The following R3HDM1 variants were observed in gnomAD, a reference collection of about 807,000 sequenced individuals.
R3HDM1 encodes the protein R3H domain containing 1.
Under a neutral mutation model 141.1 loss-of-function variants are expected in R3HDM1, and 46 were observed. That is an observed-to-expected ratio of 0.33 (90% CI 0.26 to 0.42). The LOEUF (loss-of-function observed/expected upper bound fraction) is 0.42. R3HDM1 is among the 10% of genes least tolerant of loss of function. The pLI is 1.00. For missense variants in R3HDM1, 1,184 were observed against 1,368.3 expected (o/e 0.87, Z 2.12); for synonymous variants, 435 against 472.9 (o/e 0.92, Z 1.04).
intron 1 of R3HDM1, chr2:135,568,771 C>G (rs1703389276): frequency 6.6e-6 from 1 of 152,138 alleles, no homozygotes; most frequent in South Asian, 2.1e-4. Context: ...GTATTGGTGA[C>G]CTCTCGGAAG....
At chr2:135,622,968 C>G (rs2061648678) in intron 7 of R3HDM1, 1 of 980,666 alleles carries the variant, frequency 1.0e-6, no homozygotes, top group African/African-American at 1.8e-5. Context: ...TATAGAATCA[C>G]TAAGATATTT....
chr2:135,667,502 C>T (rs1410994696), intron 19 of R3HDM1: 10 of 484,250 alleles, frequency 2.1e-5, no homozygotes, highest in East Asian at 1.5e-4. Flanking sequence ...ACAATATTGA[C>T]GTAAATTCCT....
At chr2:135,603,652 A>G (rs1354900509) in intron 2 of R3HDM1, among the ~76,000 whole-genome samples, 3 of 152,138 alleles carry the variant, frequency 2.0e-5, no homozygotes, top group African/African-American at 7.2e-5. Context: ...CTGTCACCCA[A>G]GGTGGAGTCT....
At position 135,675,486 on chromosome 2, in the gene R3HDM1, G is replaced by T. The variant is rs1475124192; in HGVS notation, c.2307G>T (p.Gln769His). 1 of 1,609,614 alleles carries T rather than the reference G, an allele frequency of 6.2e-7. No homozygotes were observed. The highest frequency in any genetic ancestry group is 1.3e-5 in the African/African-American group (1 of 74,740). Residue 769 changes from glutamine to histidine, a missense_variant and splice_region_variant, in exon 20 of 27, where the codon CAG becomes CAT. By Grantham distance (24) the Gln-to-His change is conservative. Around this residue, in one of 5 missense-constraint regions of R3HDM1, gnomAD observed 563 missense variants for 562.0 expected, o/e 1.00. Coordinates refer to ENST00000683871, the MANE Select transcript of R3HDM1 (RefSeq NM_001378107.1). Reference sequence around the variant, plus strand: ...CCTATACTTCAGTGCCAACATATCAGGTATATTGTCTCTTTTATGTACTTT... The same window carrying T: ...CCTATACTTCAGTGCCAACATATCATGTATATTGTCTCTTTTATGTACTTT... ...VIPYTSVPTY[Q>H]VSLPQGSQGI...
intron 1 of R3HDM1, among the ~76,000 whole-genome samples, chr2:135,562,202 G>T (rs1241360614): frequency 6.6e-6 from 1 of 152,170 alleles, no homozygotes; most frequent in Non-Finnish European, 1.5e-5. Flanking sequence ...ACTAATAGCT[G>T]TTCGTAGGAA....
intron 20 of R3HDM1, among the ~76,000 whole-genome samples, chr2:135,676,767 C>T (rs531724888): frequency 5.9e-5 from 9 of 152,236 alleles, no homozygotes; most frequent in South Asian, 4.1e-4. Flanking sequence ...GCTGAGATTA[C>T]GCCACTGCAT....
chr2:135,567,434 G>A (rs1046916304), intron 1 of R3HDM1, among the ~76,000 whole-genome samples: 28 of 152,170 alleles, frequency 1.8e-4, no homozygotes, highest in African/African-American at 6.0e-4. Flanking sequence ...CACTCCCAAA[G>A]TGTGACCTTT....
At position 135,669,629 on chromosome 2, in the gene R3HDM1, A is replaced by G. The variant is rs576032759; in HGVS notation, c.2153-5703A>G. 2.5e-4 allele frequency: 241 copies of G among 947,736 alleles called. 4 individuals carry two copies. In the African/African-American group the frequency reaches 3.8e-3, roughly 15 times the overall value. 58.7% of individuals were successfully genotyped at this position (947,736 alleles called of 1,614,324 possible). On this transcript the variant is annotated intron_variant, in intron 19 of 26. Coordinates refer to ENST00000683871, the MANE Select transcript of R3HDM1 (RefSeq NM_001378107.1). ...CCTCAAAAAAGTAAATTTTAGAATC[A>G]GACAGCTGTGTGCAGCTCTCAGCTA...
chr2:135,605,156 C>A, intron 3 of R3HDM1, 140 bp downstream of exon 3: 6 of 673,488 alleles, frequency 8.9e-6, no homozygotes, highest in Non-Finnish European at 1.2e-5. Flanking sequence ...GGTTTTGGAG[C>A]CAGTTGGATT....
intron 23 of R3HDM1, among the ~76,000 whole-genome samples, chr2:135,714,589 A>G (rs918997866): frequency 2.6e-5 from 4 of 152,218 alleles, no homozygotes; most frequent in South Asian, 2.1e-4. Context: ...TGTAGATTAG[A>G]TAATACTATT....
chr2:135,709,219 A>G (rs1401892387), intron 21 of R3HDM1, among the ~76,000 whole-genome samples: 1 of 151,996 alleles, frequency 6.6e-6, no homozygotes, highest in East Asian at 1.9e-4. Context: ...GACTACAGGC[A>G]CCTGCCACCA....
intron 15 of R3HDM1, among the ~76,000 whole-genome samples, chr2:135,642,050 T>G (rs1434508854): frequency 6.6e-6 from 1 of 152,158 alleles, no homozygotes; most frequent in African/African-American, 2.4e-5. Flanking sequence ...AAAGTTTATT[T>G]CCTAGAAATG....
intron 1 of R3HDM1, among the ~76,000 whole-genome samples, chr2:135,571,276 T>C (rs919021874): frequency 3.9e-5 from 6 of 152,184 alleles, no homozygotes; most frequent in Non-Finnish European, 8.8e-5. Context: ...ATAAAAGATT[T>C]ACAGGATGTT....
At chr2:135,560,130 A>G (rs1287916445) in intron 1 of R3HDM1, among the ~76,000 whole-genome samples, 3 of 152,176 alleles carry the variant, frequency 2.0e-5, no homozygotes, top group African/African-American at 7.2e-5. Context: ...TGCAGGACCT[A>G]TTGATTTTTC....
rs60115740 is a variant in R3HDM1, at chr2:135,650,097, AT to A, written c.1725+102del. On this transcript the variant is annotated intron_variant, in intron 17 of 26. Transcript: ENST00000683871. ...CATTAATGTAATATGATCTTTTGTG[AT>A]TTTTTTTGGGTCAGGTTTACATATG... 7,218 of 1,022,528 alleles carry A rather than the reference AT, an allele frequency of 7.1e-3. 281 individuals are homozygous for A. The African/African-American group carries it at 0.09, about 13-fold the overall frequency. 63.3% of individuals were successfully genotyped at this position (1,022,528 alleles called of 1,614,324 possible).
At chr2:135,560,397 A>G (rs1210325129) in intron 1 of R3HDM1, among the ~76,000 whole-genome samples, 1 of 152,030 alleles carries the variant, frequency 6.6e-6, no homozygotes, top group African/African-American at 2.4e-5. Context: ...CTCACTGCAA[A>G]CGGCCTCCCA....
intron 1 of R3HDM1, among the ~76,000 whole-genome samples, chr2:135,593,502 G>A (rs1709833488): frequency 6.6e-6 from 1 of 152,056 alleles, no homozygotes; most frequent in South Asian, 2.1e-4. Context: ...AATCTCACCA[G>A]GTTATCCCCA....
Position 135,660,524 on chromosome 2 carries a change from A to G in R3HDM1, c.2029-746A>G, listed in dbSNP as rs545717953. ...GTACTCAGAAAGTTAAAGATTTTGGAGCATTTCAGATTTTGGACATTTGGA... is the reference window on the plus strand; with the variant it reads ...GTACTCAGAAAGTTAAAGATTTTGGGGCATTTCAGATTTTGGACATTTGGA... On this transcript the variant is annotated intron_variant, in intron 18 of 26. Transcript: ENST00000683871. Among the ~76,000 whole-genome samples, 3 of 152,250 alleles carry G rather than the reference A, an allele frequency of 2.0e-5. 1 individual carries two copies. The South Asian group carries it at 6.2e-4, about 32-fold the overall frequency.
intron 1 of R3HDM1, among the ~76,000 whole-genome samples, chr2:135,547,266 G>A (rs1698888273): frequency 6.6e-6 from 1 of 151,978 alleles, no homozygotes; most frequent in South Asian, 2.1e-4. Context: ...AACAGTACAT[G>A]CACATAGAAA....
Sources: gnomAD v4.1 joint callset for allele counts (sites outside exome capture counted in the v4.1 genomes callset) on GRCh38, gnomAD v4.1.1 for gene constraint, gnomAD v4.1.1 regional missense constraint, MANE v1.5 for transcripts, NCBI Gene and HGNC (gene_info 2026-07-23, HGNC 2026-07-21) for gene names.